Variants in NOL4 observed in about 807,000 individuals in gnomAD.
The protein encoded by NOL4 is cancer/testis antigen 125.
In NOL4, 17 loss-of-function variants were observed where a neutral mutation model predicts 75.9. That is an observed-to-expected ratio of 0.22 (90% CI 0.15 to 0.34). The LOEUF is 0.34. NOL4 is among the 10% of genes least tolerant of loss of function. The pLI is 1.00. For synonymous variants in NOL4, 292 were observed against 289.9 expected, an observed-to-expected ratio of 1.01 and a Z score of -0.07; for missense variants, 614 against 793.5, an observed-to-expected ratio of 0.77 and a Z score of 2.72.
chr18:34,140,774 T>C (rs1282944469), intron 1 of NOL4, among the ~76,000 whole-genome samples: 2 of 152,194 alleles, frequency 1.3e-5, no homozygotes, highest in African/African-American at 4.8e-5. Flanking sequence ...CTTCCTAGCA[T>C]CAGTGGTCTT....
intron 10 of NOL4, among the ~76,000 whole-genome samples, chr18:33,861,606 G>T (rs1428235617): frequency 6.6e-6 from 1 of 152,016 alleles, no homozygotes; most frequent in Admixed American, 6.6e-5. Flanking sequence ...AAAATCAAAA[G>T]CATTCTTATA....
intron 6 of NOL4, among the ~76,000 whole-genome samples, chr18:33,984,869 C>T (rs529847227): frequency 1.2e-4 from 19 of 152,074 alleles, no homozygotes; most frequent in Admixed American, 2.6e-4. Context: ...TACATTTTTT[C>T]GACTCTGGAA....
At chr18:33,880,633 T>G (rs1304754671) in intron 10 of NOL4, among the ~76,000 whole-genome samples, 2 of 152,040 alleles carry the variant, frequency 1.3e-5, no homozygotes, top group Non-Finnish European at 2.9e-5. Context: ...CCTTTCCATG[T>G]GTTGTTTCAT....
chr18:33,885,514 TGAATA>T (rs1181087821), intron 9 of NOL4, among the ~76,000 whole-genome samples: 2 of 152,124 alleles, frequency 1.3e-5, no homozygotes, highest in East Asian at 3.9e-4. Context: ...GCAAAAGAGT[TGAATA>T]GACATTTCTG....
chr18:34,104,747 G>A (rs2079190741), intron 3 of NOL4, among the ~76,000 whole-genome samples: 1 of 151,902 alleles, frequency 6.6e-6, no homozygotes, highest in African/African-American at 2.4e-5. Context: ...GACATTGATA[G>A]AAACCAATTT....
intron 5 of NOL4, among the ~76,000 whole-genome samples, chr18:34,054,141 T>A (rs1414147583): frequency 6.6e-6 from 1 of 152,016 alleles, no homozygotes; most frequent in African/African-American, 2.4e-5. Flanking sequence ...TAACATGAGG[T>A]CTATTCTGAA....
In NOL4 at chr18:33,967,358, T is replaced by TA. The variant is rs138212246; in HGVS notation, c.1057-8941dup. ...GGATTAAATGTAAGATCTCAAACTA[T>TA]AAAAATTCTAGAAGACAACCTAGGA... is the stretch of plus-strand genomic sequence containing the variant. On this transcript the variant is annotated intron_variant, in intron 6 of 10. Transcript: ENST00000261592. 4.5e-3 allele frequency among the ~76,000 whole-genome samples: 689 copies of TA among 152,210 alleles called. 7 individuals carry two copies. Among genetic ancestry groups the TA allele is most frequent in the African/African-American group, 0.016 (662 of 41,546 alleles).
intron 2 of NOL4, among the ~76,000 whole-genome samples, chr18:34,111,087 C>G (rs1009162985): frequency 6.6e-6 from 1 of 152,046 alleles, no homozygotes; most frequent in African/African-American, 2.4e-5. Flanking sequence ...TATTTGGAAA[C>G]TGGATAACCA....
At chr18:34,169,423 G>A (rs2032786696) in intron 1 of NOL4, among the ~76,000 whole-genome samples, 2 of 142,472 alleles carry the variant, frequency 1.4e-5, no homozygotes, top group Non-Finnish European at 1.5e-5. Context: ...TAATGTGCAG[G>A]AAAAAGAAGG....
chr18:33,960,564 G>T (rs1227082574), intron 6 of NOL4, among the ~76,000 whole-genome samples: 2 of 151,946 alleles, frequency 1.3e-5, no homozygotes, highest in African/African-American at 2.4e-5. Context: ...CTACACATTT[G>T]GTTTTGTGCC....
intron 5 of NOL4, among the ~76,000 whole-genome samples, chr18:34,084,911 GTTTT>G (rs929455175): frequency 1.3e-5 from 2 of 152,188 alleles, no homozygotes; most frequent in African/African-American, 4.8e-5. Flanking sequence ...GGCTAAAGCT[GTTTT>G]TAAAAGAAGT....
At chr18:34,072,293 A>G (rs2077557716) in intron 5 of NOL4, among the ~76,000 whole-genome samples, 1 of 152,178 alleles carries the variant, frequency 6.6e-6, no homozygotes, top group Non-Finnish European at 1.5e-5. Flanking sequence ...TAATCATAAG[A>G]AAACTGTTGT....
chr18:34,111,365 T>C (rs1293302147), intron 2 of NOL4, among the ~76,000 whole-genome samples: 1 of 152,212 alleles, frequency 6.6e-6, no homozygotes, highest in Non-Finnish European at 1.5e-5. Flanking sequence ...TTAAACTTTT[T>C]CTTTGAAACT....
intron 6 of NOL4, among the ~76,000 whole-genome samples, chr18:33,971,100 C>T (rs1251028363): frequency 3.9e-5 from 6 of 152,096 alleles, no homozygotes; most frequent in East Asian, 1.9e-4. Flanking sequence ...ATTGGAAGAA[C>T]GTGAAAGAAT....
chr18:33,883,992 C>T (rs1405948498), intron 9 of NOL4, among the ~76,000 whole-genome samples: 1 of 151,994 alleles, frequency 6.6e-6, no homozygotes, highest in African/African-American at 2.4e-5. Context: ...ATAGGGTTTC[C>T]GTCATGAAAG....
At chr18:34,137,783 C>T (rs1391192431) in intron 1 of NOL4, among the ~76,000 whole-genome samples, 27 of 150,860 alleles carry the variant, frequency 1.8e-4, no homozygotes, top group Admixed American at 6.6e-4. Flanking sequence ...ACGAAATACA[C>T]ACACACACAC....
At chr18:33,924,080 C>T (rs1400522081) in intron 9 of NOL4, among the ~76,000 whole-genome samples, 3 of 152,164 alleles carry the variant, frequency 2.0e-5, no homozygotes, top group African/African-American at 7.2e-5. Flanking sequence ...TATTAATGTT[C>T]AAACGTGTTG....
At chr18:33,960,555 T>C (rs1426577803) in intron 6 of NOL4, among the ~76,000 whole-genome samples, 1 of 152,132 alleles carries the variant, frequency 6.6e-6, no homozygotes, top group Non-Finnish European at 1.5e-5. Flanking sequence ...TAAGTATCAC[T>C]ACACATTTGG....
intron 9 of NOL4, among the ~76,000 whole-genome samples, chr18:33,900,916 G>C (rs1462247561): frequency 1.3e-5 from 2 of 152,118 alleles, no homozygotes; most frequent in African/African-American, 4.8e-5. Flanking sequence ...CTGTTTAGAT[G>C]TGTTTATGTG....
Sources: gnomAD v4.1 joint callset for allele counts (sites outside exome capture counted in the v4.1 genomes callset) on GRCh38, gnomAD v4.1.1 for gene constraint, MANE v1.5 for transcripts, NCBI Gene and HGNC (gene_info 2026-07-23, HGNC 2026-07-21) for gene names.